The following SLCO5A1 variants were observed in gnomAD, a reference collection of about 807,000 sequenced individuals.
SLCO5A1 encodes solute carrier organic anion transporter family member 5A1.
Under a neutral mutation model 65.1 loss-of-function variants are expected in SLCO5A1, and 39 were observed. The observed-to-expected ratio is 0.60, with a 90% CI of 0.46 to 0.78. The LOEUF (loss-of-function observed/expected upper bound fraction) is 0.78. SLCO5A1 is among the 30% of genes least tolerant of loss of function. The pLI is 0.00. For synonymous variants in SLCO5A1, 438 were observed against 415.7 expected (o/e 1.05, Z -0.65); for missense variants, 1,029 against 1,069.4 (o/e 0.96, Z 0.53).
intron 2 of SLCO5A1, among the ~76,000 whole-genome samples, chr8:69,788,814 A>T (rs1181401853): frequency 6.6e-6 from 1 of 152,222 alleles, no homozygotes; most frequent in Non-Finnish European, 1.5e-5. Flanking sequence ...AAGCATCCCA[A>T]CTAAATTTAT....
At chr8:69,776,159 T>G (rs1279369047) in intron 2 of SLCO5A1, among the ~76,000 whole-genome samples, 1 of 152,178 alleles carries the variant, frequency 6.6e-6, no homozygotes, top group African/African-American at 2.4e-5. Context: ...AGTCACACGA[T>G]CAAGCTTCTG....
chr8:69,767,907 A>AAC (rs1818135573), intron 2 of SLCO5A1, among the ~76,000 whole-genome samples: 1 of 139,294 alleles, frequency 7.2e-6, no homozygotes, highest in Non-Finnish European at 1.5e-5. Flanking sequence ...AAAAAAAAAA[A>AAC]AAAACAAAAA....
At chr8:69,770,702 T>C (rs527934245) in intron 2 of SLCO5A1, among the ~76,000 whole-genome samples, 130 of 152,142 alleles carry the variant, frequency 8.5e-4, no homozygotes, top group African/African-American at 3.0e-3. Flanking sequence ...AGCCGAGAGG[T>C]GGCTCTCAAG....
At chr8:69,735,912 C>T (rs1391170596) in intron 5 of SLCO5A1, among the ~76,000 whole-genome samples, 2 of 152,132 alleles carry the variant, frequency 1.3e-5, no homozygotes, top group Non-Finnish European at 2.9e-5. Flanking sequence ...GACAGGCCCC[C>T]CTCTACTCTT....
chr8:69,774,753 G>A (rs1818489563), intron 2 of SLCO5A1, among the ~76,000 whole-genome samples: 1 of 152,176 alleles, frequency 6.6e-6, no homozygotes. Context: ...CCCTGGTGTG[G>A]GGCATAATGA....
chr8:69,801,217 C>T (rs1376479710), intron 2 of SLCO5A1, among the ~76,000 whole-genome samples: 3 of 152,170 alleles, frequency 2.0e-5, no homozygotes, highest in African/African-American at 7.2e-5. Context: ...GATTCTATTG[C>T]TAACATCTCT....
intron 6 of SLCO5A1, among the ~76,000 whole-genome samples, chr8:69,702,924 C>A (rs28621498): frequency 0.11 from 16,698 of 151,718 alleles, 1,258 homozygotes; most frequent in African/African-American, 0.21. Flanking sequence ...GCCTGGGCAA[C>A]AAAGTAAGAC....
chr8:69,738,054 G>A lies in SLCO5A1; in HGVS notation c.1409C>T (p.Ala470Val). Residue 470 changes from alanine to valine, a missense_variant, in exon 5 of 10, where the codon GCC becomes GTC. Around this residue, in one of 3 missense-constraint regions of SLCO5A1, gnomAD observed 647 missense variants for 647.5 expected, o/e 1.00. Transcript: ENST00000260126. ...ESQFGIPASN[A>V]SIYTGVIIVP... ...CAGTGCCTTACCAGTGTAGATGCTGGCATTGGAGGCTGGGATACCAAACTG... is the reference window on the plus strand; with the variant it reads ...CAGTGCCTTACCAGTGTAGATGCTGACATTGGAGGCTGGGATACCAAACTG... The A allele has an allele frequency of 6.2e-7, 1 of 1,613,586 alleles. No homozygotes were observed. The highest frequency in any genetic ancestry group is 8.5e-7 in the Non-Finnish European group (1 of 1,179,706).
Position 69,680,225 on chromosome 8 carries a change from GA to G in SLCO5A1, c.1783-607del, listed in dbSNP as rs1813709167. The stretch of plus-strand genomic sequence containing the variant: ...TGATGCTGAGGTTTGGTGTACAGAT[GA>G]TCCCATCACCCAAATCATGAGCATA... On this transcript the variant is annotated intron_variant, in intron 7 of 9. Coordinates refer to ENST00000260126, the MANE Select transcript of SLCO5A1 (RefSeq NM_030958.3). 3.3e-5 allele frequency among the ~76,000 whole-genome samples: 5 copies of G among 152,244 alleles called. No homozygotes were observed. In the South Asian group the frequency reaches 1.0e-3, roughly 32 times the overall value.
At position 69,770,236 on chromosome 8, in the gene SLCO5A1, A is replaced by T. The variant is rs116043044; in HGVS notation, c.908-8361T>A. Among the ~76,000 whole-genome samples the T allele has an allele frequency of 8.3e-3, 1,266 of 152,264 alleles. 14 individuals are homozygous for T. The highest frequency in any genetic ancestry group is 0.029 in the African/African-American group (1,211 of 41,546). ...CAGCTTTATGCTGTTACAAATATCT[A>T]GCTGAGATTATTGCTCTGAAGATTG... On this transcript the variant is annotated intron_variant, in intron 2 of 9. Transcript: ENST00000260126.
intron 2 of SLCO5A1, among the ~76,000 whole-genome samples, chr8:69,772,521 G>T (rs534830691): frequency 7.2e-6 from 1 of 138,246 alleles, no homozygotes; most frequent in South Asian, 2.4e-4. Context: ...GACAGAGCGA[G>T]AAAAAAGAAA....
At chr8:69,820,288 G>A (rs1820578505) in intron 2 of SLCO5A1, among the ~76,000 whole-genome samples, 1 of 152,208 alleles carries the variant, frequency 6.6e-6, no homozygotes, top group African/African-American at 2.4e-5. Context: ...AGCCCAGGAG[G>A]AAGAGCCCAG....
At chr8:69,714,507 C>G (rs1001561556) in intron 5 of SLCO5A1, among the ~76,000 whole-genome samples, 1 of 152,080 alleles carries the variant, frequency 6.6e-6, no homozygotes, top group African/African-American at 2.4e-5. Flanking sequence ...GCTGCTGCAC[C>G]CCAGCTGTCT....
At chr8:69,732,648 G>A (rs1024089182) in intron 5 of SLCO5A1, among the ~76,000 whole-genome samples, 2 of 152,096 alleles carry the variant, frequency 1.3e-5, no homozygotes, top group Non-Finnish European at 1.5e-5. Flanking sequence ...GAAAGACCAT[G>A]AGCAGGGAGA....
intron 2 of SLCO5A1, among the ~76,000 whole-genome samples, chr8:69,795,541 G>T (rs1819453627): frequency 6.6e-6 from 1 of 152,106 alleles, no homozygotes; most frequent in South Asian, 2.1e-4. Context: ...GGCTCCCAAG[G>T]CCTTGGGCAG....
intron 2 of SLCO5A1, among the ~76,000 whole-genome samples, chr8:69,770,997 T>C (rs1032450124): frequency 3.5e-4 from 54 of 152,214 alleles, no homozygotes; most frequent in African/African-American, 1.2e-3. Flanking sequence ...TACTTTATTT[T>C]ATTTTAGATG....
chr8:69,791,988 A>G (rs1819290387), intron 2 of SLCO5A1, among the ~76,000 whole-genome samples: 1 of 152,186 alleles, frequency 6.6e-6, no homozygotes, highest in East Asian at 1.9e-4. Context: ...AAAATGAAGT[A>G]TTTTTATTCT....
chr8:69,790,418 C>G, intron 2 of SLCO5A1, among the ~76,000 whole-genome samples: 1 of 151,758 alleles, frequency 6.6e-6, no homozygotes, highest in African/African-American at 2.4e-5. Context: ...GTGGGAGAAA[C>G]ATATTTGTAA....
chr8:69,756,126 A>G (rs1286380707), intron 3 of SLCO5A1, among the ~76,000 whole-genome samples: 1 of 152,204 alleles, frequency 6.6e-6, no homozygotes, highest in Non-Finnish European at 1.5e-5. Context: ...GCAAACACTT[A>G]AGAATGTATT....
Sources: gnomAD v4.1 joint callset for allele counts (sites outside exome capture counted in the v4.1 genomes callset) on GRCh38, gnomAD v4.1.1 for gene constraint, gnomAD v4.1.1 regional missense constraint, MANE v1.5 for transcripts, NCBI Gene and HGNC (gene_info 2026-07-23, HGNC 2026-07-21) for gene names.